USP17L2: variants seen among roughly 807,000 people sequenced by gnomAD.
USP17L2 encodes ubiquitin specific peptidase 17 like family member 2, also known as ubiquitin carboxyl-terminal hydrolase 17.
In USP17L2, 29 loss-of-function variants were observed where a neutral mutation model predicts 39.8. The ratio of observed to expected loss-of-function variants is 0.73; its 90% CI spans 0.54 to 0.99. The LOEUF (loss-of-function observed/expected upper bound fraction) is 0.99. Among genes scored for constraint, USP17L2 ranks in the 50% least tolerant of loss-of-function variants. The pLI, the probability that USP17L2 is intolerant of heterozygous loss-of-function variation, is 0.00. For synonymous variants in USP17L2, 231 were observed against 252.7 expected (o/e 0.91, Z 0.81); for missense variants, 567 against 647.2 (o/e 0.88, Z 1.35).
rs3988860 is a variant in USP17L2 at position 12,138,489 on chromosome 8, T to A, written c.272A>T (p.Glu91Val). ...GLQNMGNTCY[E>V]NASLQCLTYT... ...TGTCAGGCACTGCAGGGAAGCGTTC[T>A]CGTAGCAGGTATTTCCCATATTCTG... Residue 91 changes from glutamate (E) to valine (V), a missense_variant, in exon 1 of 1, where the codon GAG (glutamate) becomes GTG (valine). Transcript: ENST00000333796. The A allele has an allele frequency of 5.7e-5, 88 of 1,540,216 alleles. 10 individuals carry two copies. Among genetic ancestry groups the A allele is most frequent in the Admixed American group, 8.9e-5 (5 of 56,246 alleles).
In USP17L2 at chr8:12,137,292, G is replaced by A. The variant is rs1254110031; in HGVS notation, c.1469C>T (p.Ser490Phe). Residue 490 changes from serine to phenylalanine, a missense_variant, in exon 1 of 1, where the codon TCT (serine) becomes TTT (phenylalanine). Physicochemically the swap from Ser to Phe is radical, Grantham distance 155. This residue lies in a region of USP17L2 where 304 missense variants were observed against 254.7 expected (regional missense o/e 1.19). Coordinates refer to ENST00000333796, the MANE Select transcript of USP17L2 (RefSeq NM_201402.3). ...PEQQSSLLNL[S>F]STTRTDQESV... ...CTCCTGATCTGTCCGGGTCGTCGAAGAGAGGTTTAGCAGGGAGCTTTGCTG... is the reference window on the plus strand; with the variant it reads ...CTCCTGATCTGTCCGGGTCGTCGAAAAGAGGTTTAGCAGGGAGCTTTGCTG... The A allele has an allele frequency of 4.6e-6, 7 of 1,531,346 alleles. 1 individual carries two copies. Among genetic ancestry groups the A allele is most frequent in the East Asian group, 5.2e-5 (2 of 38,354 alleles). 94.9% of individuals were successfully genotyped at this position (1,531,346 alleles called of 1,614,324 possible). A position where few individuals can be genotyped will look rare whatever the true frequency, so the allele number is the denominator to read the frequency against.
rs761150922 is a variant in USP17L2 at position 12,137,549 on chromosome 8, C to T, written c.1212G>A (p.Thr404=). The T allele has an allele frequency of 3.1e-5, 48 of 1,532,828 alleles. 6 individuals carry two copies. The highest frequency in any genetic ancestry group is 2.3e-4 in the East Asian group (9 of 38,418). 95.0% of individuals were successfully genotyped at this position (1,532,828 alleles called of 1,614,324 possible). The change falls in exon 1 of 1, where the codon ACG becomes ACA. Residue 404 remains threonine, a synonymous_variant. Coordinates refer to ENST00000333796, the MANE Select transcript of USP17L2 (RefSeq NM_201402.3). ...GGTGGTCTCTCTTGAGCTCTCCTTG[C>T]GTTGCTCGCCTGTCTGTGTCTTCAG... ...LGAEDTDRRA[T]QGELKRDHPC...
In USP17L2 at chr8:12,137,992, A is replaced by C. The variant is rs748610555; in HGVS notation, c.769T>G (p.Cys257Gly). The C allele has an allele frequency of 2.2e-4, 324 of 1,485,484 alleles. 13 individuals are homozygous for C. Among genetic ancestry groups the C allele is most frequent in the Non-Finnish European group, 2.4e-4 (265 of 1,096,536 alleles). The allele number at this position is 1,485,484 out of a possible 1,614,324, so 92.0% of individuals were successfully genotyped here. ...TTGGAGGCCGGCGCCCTCTGGAGAC[A>C]AAGACCGCAATGATAGGCATTCTCT... The part of the protein sequence containing the change: ...NGENAYHCGL[C>G]LQRAPASKTL... The change falls in exon 1 of 1, where the codon TGT becomes GGT. Residue 257 changes from cysteine to glycine, a missense_variant. By Grantham distance (159) the Cys-to-Gly change is radical. Transcript: ENST00000333796.
chr8:12,137,804 G>A lies in USP17L2; in HGVS notation c.957C>T (p.Leu319=). The change falls in exon 1 of 1, where the codon CTC becomes CTT. Residue 319 remains leucine (L), a synonymous_variant. Transcript: ENST00000333796. ...ACCCAGCGTGGACCAGCACAGCATA[G>A]AGGACATAGACAAGAGGTCCTGTGT... is the stretch of plus-strand genomic sequence containing the variant. ...QQNTGPLVYV[L]YAVLVHAGWS... 1 of 1,482,080 alleles carries A rather than the reference G, an allele frequency of 6.7e-7. No homozygotes were observed. The highest frequency in any genetic ancestry group is 9.2e-7 in the Non-Finnish European group (1 of 1,089,298). 91.8% of individuals were successfully genotyped at this position (1,482,080 alleles called of 1,614,324 possible). A position where few individuals can be genotyped will look rare whatever the true frequency, so the allele number is the denominator to read the frequency against.
chr8:12,137,545 C>G lies in USP17L2; in HGVS notation c.1216G>C (p.Gly406Arg), dbSNP rs773564016. ...CAGGGGTGGTCTCTCTTGAGCTCTC[C>G]TTGCGTTGCTCGCCTGTCTGTGTCT... ...AEDTDRRATQ[G>R]ELKRDHPCLQ... The change falls in exon 1 of 1, where the codon GGA becomes CGA. Residue 406 changes from glycine (G) to arginine (R), a missense_variant. Gly to Arg is a moderately radical substitution (Grantham distance 125, BLOSUM62 -2). Around this residue, in one of 6 missense-constraint regions of USP17L2, gnomAD observed 304 missense variants for 254.7 expected, o/e 1.19. Coordinates refer to ENST00000333796, the MANE Select transcript of USP17L2 (RefSeq NM_201402.3). 1.3e-6 allele frequency: 2 copies of G among 1,533,096 alleles called. No homozygotes were observed. The highest frequency in any genetic ancestry group is 1.5e-5 in the African/African-American group (1 of 68,100). 95.0% of individuals were successfully genotyped at this position (1,533,096 alleles called of 1,614,324 possible).
Position 12,137,652 on chromosome 8 carries a change from A to T in USP17L2, c.1109T>A (p.Leu370His), listed in dbSNP as rs781749796. ...CCATTCACTCTTCTGGATGTAAAAG[A>T]GGACATAGGCCTGTTGACTCAGGAC... ...TSVLSQQAYV[L>H]FYIQKSEWER... The change falls in exon 1 of 1, where the codon CTC becomes CAC. Residue 370 changes from leucine to histidine, a missense_variant. Transcript: ENST00000333796. The T allele has an allele frequency of 7.8e-6, 12 of 1,530,338 alleles. 1 individual carries two copies. The highest frequency in any genetic ancestry group is 9.7e-6 in the Non-Finnish European group (11 of 1,131,940). 94.8% of individuals were successfully genotyped at this position (1,530,338 alleles called of 1,614,324 possible). A position where few individuals can be genotyped will look rare whatever the true frequency, so the allele number is the denominator to read the frequency against.
At position 12,137,498 on chromosome 8, in the gene USP17L2, G is replaced by A. The variant is rs201838449; in HGVS notation, c.1263C>T (p.Asp421=). The A allele has an allele frequency of 6.5e-4, 989 of 1,532,542 alleles. 90 individuals are homozygous for A. The highest frequency in any genetic ancestry group is 2.9e-3 in the African/African-American group (200 of 68,134). 94.9% of individuals were successfully genotyped at this position (1,532,542 alleles called of 1,614,324 possible). ...DHPCLQAPEL[D]ERLVERATQE... is the part of the protein sequence containing the mutation. ...GAGTGGCTCTTTCCACCAAGCGCTC[G>A]TCCAACTCGGGTGCCTGGAGGCAGG... The change falls in exon 1 of 1, where the codon GAC becomes GAT. Residue 421 remains aspartate (D), a synonymous_variant. Coordinates refer to ENST00000333796, the MANE Select transcript of USP17L2 (RefSeq NM_201402.3).
In USP17L2 at chr8:12,137,206, T is replaced by C. The variant is rs746359926; in HGVS notation, c.1555A>G (p.Asn519Asp). ...AGCAGAGCCCTCTTGCTGTGTTTGT[T>C]CTTCCCTTTGGATCTCCTGGTCCTC... ...QGRTRRSKGK[N>D]KHSKRALLVC... The change falls in exon 1 of 1, where the codon AAC becomes GAC. Residue 519 changes from asparagine to aspartate, a missense_variant. Physicochemically the swap from Asn to Asp is conservative, Grantham distance 23. This residue lies in a region of USP17L2 where 304 missense variants were observed against 254.7 expected (regional missense o/e 1.19). Transcript: ENST00000333796. 1.7e-5 allele frequency: 26 copies of C among 1,530,968 alleles called. 5 individuals carry two copies. The highest frequency in any genetic ancestry group is 2.6e-5 in the East Asian group (1 of 38,152). The allele number at this position is 1,530,968 out of a possible 1,614,324, so 94.8% of individuals were successfully genotyped here.
Position 12,138,580 on chromosome 8 carries a change from G to T in USP17L2, c.181C>A (p.Gln61Lys), listed in dbSNP as rs201643410. 138 of 1,530,950 alleles carry T rather than the reference G, an allele frequency of 9.0e-5. 12 individuals carry two copies. Among genetic ancestry groups the T allele is most frequent in the Non-Finnish European group, 1.2e-4 (133 of 1,135,280 alleles). The allele number at this position is 1,530,950 out of a possible 1,614,324, so 94.8% of individuals were successfully genotyped here. ...LCDDLAPVARQLAPRKKLPLS... is the reference protein window; with the variant it reads ...LCDDLAPVARKLAPRKKLPLS... The stretch of plus-strand genomic sequence containing the variant: ...GGAAGCTTCTTCCTGGGAGCAAGCT[G>T]TCTTGCCACAGGAGCCAAATCATCA... The change falls in exon 1 of 1, where the codon CAG becomes AAG. Residue 61 changes from glutamine (Q) to lysine (K), a missense_variant. Gln to Lys is a moderately conservative substitution (Grantham distance 53). Around this residue, in one of 6 missense-constraint regions of USP17L2, gnomAD observed 120 missense variants for 111.0 expected, o/e 1.08. Coordinates refer to ENST00000333796, the MANE Select transcript of USP17L2 (RefSeq NM_201402.3).
rs1381011375 is a variant in USP17L2, at chr8:12,138,596, C to G, written c.165G>C (p.Leu55Phe). The G allele has an allele frequency of 2.6e-6, 4 of 1,530,722 alleles. 1 individual carries two copies. The highest frequency in any genetic ancestry group is 2.6e-5 in the East Asian group (1 of 38,458). The allele number at this position is 1,530,722 out of a possible 1,614,324, so 94.8% of individuals were successfully genotyped here. A position where few individuals can be genotyped will look rare whatever the true frequency, so the allele number is the denominator to read the frequency against. Residue 55 changes from leucine to phenylalanine, a missense_variant, in exon 1 of 1, where the codon TTG becomes TTC. Around this residue, in one of 6 missense-constraint regions of USP17L2, gnomAD observed 120 missense variants for 111.0 expected, o/e 1.08. Transcript: ENST00000333796. Reference protein sequence around the residue: ...SEARVDLCDDLAPVARQLAPR... With the variant: ...SEARVDLCDDFAPVARQLAPR... Reference sequence around the variant, plus strand: ...GAGCAAGCTGTCTTGCCACAGGAGCCAAATCATCACAGAGGTCGACACGGG... The same window carrying G: ...GAGCAAGCTGTCTTGCCACAGGAGCGAAATCATCACAGAGGTCGACACGGG...
Position 12,137,990 on chromosome 8 carries a change from A to G in USP17L2, c.771T>C (p.Cys257=), listed in dbSNP as rs1585167619. The change falls in exon 1 of 1, where the codon TGT becomes TGC. Residue 257 remains cysteine, a synonymous_variant. Coordinates refer to ENST00000333796, the MANE Select transcript of USP17L2 (RefSeq NM_201402.3). ...NGENAYHCGL[C]LQRAPASKTL... ...TCTTGGAGGCCGGCGCCCTCTGGAGACAAAGACCGCAATGATAGGCATTCT... is the reference window on the plus strand; with the variant it reads ...TCTTGGAGGCCGGCGCCCTCTGGAGGCAAAGACCGCAATGATAGGCATTCT... 10 of 1,487,656 alleles carry G rather than the reference A, an allele frequency of 6.7e-6. 3 individuals are homozygous for G. In the South Asian group the frequency reaches 8.7e-5, roughly 13 times the overall value. 92.2% of individuals were successfully genotyped at this position (1,487,656 alleles called of 1,614,324 possible).
chr8:12,138,311 A>G lies in USP17L2; in HGVS notation c.450T>C (p.Ala150=), dbSNP rs557074436. 8.0e-6 allele frequency: 12 copies of G among 1,500,556 alleles called. 2 individuals are homozygous for G. In the South Asian group the frequency reaches 1.4e-4, roughly 17 times the overall value. The allele number at this position is 1,500,556 out of a possible 1,614,324, so 93.0% of individuals were successfully genotyped here. ...CCTGCTTGCCTCTATGGAAGCCAGC[A>G]GCCAATGCCTGTGAGGGCTGGATGA... The part of the protein sequence containing the change: ...GHVIQPSQAL[A]AGFHRGKQED... The change falls in exon 1 of 1, where the codon GCT becomes GCC. Residue 150 remains alanine, a synonymous_variant. Coordinates refer to ENST00000333796, the MANE Select transcript of USP17L2 (RefSeq NM_201402.3).
Position 12,137,346 on chromosome 8 carries a change from T to G in USP17L2, c.1415A>C (p.Lys472Thr). The stretch of plus-strand genomic sequence containing the variant: ...AGGATGATGGTTTTTCATCCCACAC[T>G]TGTATTTCGATTGATGAATCACAAG... ...NVLVIHQSKY[K>T]CGMKNHHPEQ... The change falls in exon 1 of 1, where the codon AAG becomes ACG. Residue 472 changes from lysine to threonine, a missense_variant. This residue lies in a region of USP17L2 where 304 missense variants were observed against 254.7 expected (regional missense o/e 1.19). Transcript: ENST00000333796. 6.5e-7 allele frequency: 1 copy of G among 1,531,650 alleles called. No homozygotes were observed. Among genetic ancestry groups the G allele is most frequent in the Non-Finnish European group, 8.8e-7 (1 of 1,135,276 alleles). 94.9% of individuals were successfully genotyped at this position (1,531,650 alleles called of 1,614,324 possible).
In USP17L2 at chr8:12,137,657, A is replaced by G. The variant is rs200007558; in HGVS notation, c.1104T>C (p.Tyr368=). ...SITSVLSQQA[Y]VLFYIQKSEW... is the part of the protein sequence containing the mutation. The stretch of plus-strand genomic sequence containing the variant: ...CACTCTTCTGGATGTAAAAGAGGAC[A>G]TAGGCCTGTTGACTCAGGACAGAAG... Residue 368 remains tyrosine, a synonymous_variant, in exon 1 of 1, where the codon TAT becomes TAC. Transcript: ENST00000333796. 3.1e-5 allele frequency: 48 copies of G among 1,531,014 alleles called. 6 individuals carry two copies. Among genetic ancestry groups the G allele is most frequent in the Non-Finnish European group, 4.1e-5 (46 of 1,132,550 alleles). 94.8% of individuals were successfully genotyped at this position (1,531,014 alleles called of 1,614,324 possible).
Position 12,137,360 on chromosome 8 carries a change from A to G in USP17L2, c.1401T>C (p.His467=). ...TCATCCCACACTTGTATTTCGATTGATGAATCACAAGTACGTTGGGAGGCA... is the reference window on the plus strand; with the variant it reads ...TCATCCCACACTTGTATTTCGATTGGTGAATCACAAGTACGTTGGGAGGCA... The part of the protein sequence containing the change: ...GTLPPNVLVI[H]QSKYKCGMKN... Residue 467 remains histidine (H), a synonymous_variant, in exon 1 of 1, where the codon CAT becomes CAC. Transcript: ENST00000333796. 6.5e-7 allele frequency: 1 copy of G among 1,531,406 alleles called. No homozygotes were observed. Among genetic ancestry groups the G allele is most frequent in the Non-Finnish European group, 8.8e-7 (1 of 1,135,076 alleles). 94.9% of individuals were successfully genotyped at this position (1,531,406 alleles called of 1,614,324 possible).
Position 12,137,113 on chromosome 8 carries a change from G to A in USP17L2, c.*55C>T. On this transcript the variant is annotated 3_prime_UTR_variant, in exon 1 of 1. Transcript: ENST00000333796. ...TGCGTGCGCGCTTGTGGGTGTATTT[G>A]TGCGTGTGTGTGTGTGCGTTCACCC... The A allele has an allele frequency of 2.0e-6, 3 of 1,483,370 alleles. No individual in the cohort carries two copies. The highest frequency in any genetic ancestry group is 1.8e-6 in the Non-Finnish European group (2 of 1,093,234). The allele number at this position is 1,483,370 out of a possible 1,614,324, so 91.9% of individuals were successfully genotyped here. A position where few individuals can be genotyped will look rare whatever the true frequency, so the allele number is the denominator to read the frequency against.
In USP17L2 at chr8:12,138,618, C is replaced by G. The variant is rs573688773; in HGVS notation, c.143G>C (p.Arg48Pro). 8.5e-6 allele frequency: 13 copies of G among 1,530,508 alleles called. No homozygotes were observed. The highest frequency in any genetic ancestry group is 1.5e-5 in the African/African-American group (1 of 68,014). The allele number at this position is 1,530,508 out of a possible 1,614,324, so 94.8% of individuals were successfully genotyped here. The change falls in exon 1 of 1, where the codon CGT becomes CCT. Residue 48 changes from arginine (R) to proline (P), a missense_variant. By Grantham distance (103) the Arg-to-Pro change is moderately radical. This residue lies in a region of USP17L2 where 120 missense variants were observed against 111.0 expected (regional missense o/e 1.08). Transcript: ENST00000333796. The stretch of plus-strand genomic sequence containing the variant: ...AGCCAAATCATCACAGAGGTCGACA[C>G]GGGCCTCAGATGAGAGTGGTGACTT... ...PEKSPLSSEARVDLCDDLAPV... is the reference protein window; with the variant it reads ...PEKSPLSSEAPVDLCDDLAPV...
At position 12,137,323 on chromosome 8, in the gene USP17L2, G is replaced by A; in HGVS notation, c.1438C>T (p.Pro480Ser). 3 of 1,531,558 alleles carry A rather than the reference G, an allele frequency of 2.0e-6. No individual in the cohort carries two copies. The highest frequency in any genetic ancestry group is 1.5e-5 in the African/African-American group (1 of 68,276). The allele number at this position is 1,531,558 out of a possible 1,614,324, so 94.9% of individuals were successfully genotyped here. ...TTTAGCAGGGAGCTTTGCTGTTCAG[G>A]ATGATGGTTTTTCATCCCACACTTG... ...KYKCGMKNHH[P>S]EQQSSLLNLS... The change falls in exon 1 of 1, where the codon CCT (proline) becomes TCT (serine). Residue 480 changes from proline to serine, a missense_variant. Pro to Ser is a moderately conservative substitution (Grantham distance 74). Coordinates refer to ENST00000333796, the MANE Select transcript of USP17L2 (RefSeq NM_201402.3).
chr8:12,137,303 C>T lies in USP17L2; in HGVS notation c.1458G>A (p.Leu486=), dbSNP rs1425918501. ...TCCGGGTCGTCGAAGAGAGGTTTAGCAGGGAGCTTTGCTGTTCAGGATGAT... is the reference window on the plus strand; with the variant it reads ...TCCGGGTCGTCGAAGAGAGGTTTAGTAGGGAGCTTTGCTGTTCAGGATGAT... ...KNHHPEQQSS[L]LNLSSTTRTD... is the part of the protein sequence containing the mutation. Residue 486 remains leucine, a synonymous_variant, in exon 1 of 1, where the codon CTG becomes CTA. Transcript: ENST00000333796. The T allele has an allele frequency of 3.3e-6, 5 of 1,531,220 alleles. No individual in the cohort carries two copies. The African/African-American group carries it at 4.4e-5, about 13-fold the overall frequency. 94.9% of individuals were successfully genotyped at this position (1,531,220 alleles called of 1,614,324 possible).
Sources: allele counts gnomAD v4.1 joint callset, GRCh38; gene constraint gnomAD v4.1.1; regional missense constraint gnomAD v4.1.1; transcripts MANE v1.5; gene names NCBI Gene and HGNC (gene_info 2026-07-23, HGNC 2026-07-21).